MYOCD: variants seen among roughly 807,000 people sequenced by gnomAD.
MYOCD encodes myocardin.
A neutral mutation model predicts 96.1 loss-of-function variants in MYOCD; 32 were observed. The ratio of observed to expected loss-of-function variants is 0.33; its 90% CI spans 0.25 to 0.45. The LOEUF (loss-of-function observed/expected upper bound fraction) is 0.45. Among genes scored for constraint, MYOCD ranks in the 20% least tolerant of loss-of-function variants. The probability of loss-of-function intolerance (pLI) is 1.00; values close to 1 mark genes in which losing one functional copy is unlikely to be tolerated. For missense variants in MYOCD, 1,133 were observed against 1,200.6 expected (o/e 0.94, Z 0.83); for synonymous variants, 469 against 469.0 (o/e 1.00, Z 0.00).
At chr17:12,733,859 C>A (rs1488477369) in intron 5 of MYOCD, among the ~76,000 whole-genome samples, 1 of 138,690 alleles carries the variant, frequency 7.2e-6, no homozygotes, top group Non-Finnish European at 1.5e-5. Context: ...GAGCAAGACT[C>A]CGTCTCAAAA....
intron 1 of MYOCD, among the ~76,000 whole-genome samples, chr17:12,687,854 C>T (rs2030211208): frequency 6.6e-6 from 1 of 152,280 alleles, no homozygotes; most frequent in South Asian, 2.1e-4. Context: ...AAATCAATCA[C>T]ATTTGAATAA....
chr17:12,726,642 T>A (rs2032008194), intron 5 of MYOCD, among the ~76,000 whole-genome samples: 2 of 152,188 alleles, frequency 1.3e-5, no homozygotes, highest in Non-Finnish European at 2.9e-5. Flanking sequence ...AAGTAGCTAG[T>A]CCTGTCTGCC....
intron 10 of MYOCD, among the ~76,000 whole-genome samples, chr17:12,754,062 G>T (rs1438535302): frequency 1.7e-5 from 1 of 60,412 alleles, no homozygotes; most frequent in Non-Finnish European, 4.2e-5. Flanking sequence ...AAGCAAAGAG[G>T]TGTGTGTGTG....
chr17:12,762,991 G>A, intron 13 of MYOCD, 82 bp from the exon 14 acceptor site: 1 of 1,211,798 alleles, frequency 8.3e-7, no homozygotes, highest in South Asian at 1.4e-5. Context: ...GCCATCTTCT[G>A]TATCTAAGTG....
intron 3 of MYOCD, among the ~76,000 whole-genome samples, chr17:12,716,204 T>A (rs1051539075): frequency 6.6e-6 from 1 of 152,206 alleles, no homozygotes; most frequent in Non-Finnish European, 1.5e-5. Context: ...TTTCCTTACC[T>A]GAGAGTACTA....
At chr17:12,762,393 T>A (rs2033201391) in intron 13 of MYOCD, 1 of 152,290 alleles carries the variant, frequency 6.6e-6, no homozygotes. Context: ...GGACAGAGAA[T>A]AGAAAATATA....
Position 12,708,841 on chromosome 17 carries a change from AT to A in MYOCD, c.121+3649del, listed in dbSNP as rs1194223987. Among the ~76,000 whole-genome samples, 12 of 152,120 alleles carry A rather than the reference AT, an allele frequency of 7.9e-5. No individual in the cohort carries two copies. In the East Asian group the frequency reaches 2.3e-3, roughly 29 times the overall value. ...CTGAGGCCAGAACCTGTGTCTCCTGATCCCCGCCTAGGCTCCTTTTTTCAAA... is the reference window on the plus strand; with the variant it reads ...CTGAGGCCAGAACCTGTGTCTCCTGACCCCGCCTAGGCTCCTTTTTTCAAA... On this transcript the variant is annotated intron_variant, in intron 2 of 13. Coordinates refer to ENST00000425538, the MANE Select transcript of MYOCD (RefSeq NM_001146312.3).
intron 5 of MYOCD, among the ~76,000 whole-genome samples, chr17:12,735,103 C>T (rs2032303824): frequency 1.3e-5 from 2 of 152,222 alleles, no homozygotes; most frequent in African/African-American, 4.8e-5. Context: ...TTACTTCCAG[C>T]TCCTCGTTGC....
At chr17:12,666,755 A>AG (rs1330827036) in intron 1 of MYOCD, among the ~76,000 whole-genome samples, 2 of 152,196 alleles carry the variant, frequency 1.3e-5, no homozygotes, top group African/African-American at 4.8e-5. Flanking sequence ...ACATCACTGT[A>AG]GAAAAAAAAA....
Position 12,764,539 on chromosome 17 carries a change from C to T in MYOCD, c.*895C>T, listed in dbSNP as rs997416774. 3.9e-5 allele frequency: 6 copies of T among 152,298 alleles called. No individual in the cohort carries two copies. Among genetic ancestry groups the T allele is most frequent in the African/African-American group, 1.2e-4 (5 of 41,462 alleles). The allele number at this position is 152,298 out of a possible 1,614,324, so 9.4% of individuals were successfully genotyped here. ...TATCTCGAGGCACAGGAAGGGAGCC[C>T]CACCAGGGATAATTCAGACAGGACT... is the stretch of plus-strand genomic sequence containing the variant. On this transcript the variant is annotated 3_prime_UTR_variant, in exon 14 of 14. Coordinates refer to ENST00000425538, the MANE Select transcript of MYOCD (RefSeq NM_001146312.3).
At chr17:12,712,205 G>A (rs1245267066) in intron 2 of MYOCD, among the ~76,000 whole-genome samples, 1 of 152,110 alleles carries the variant, frequency 6.6e-6, no homozygotes, top group Non-Finnish European at 1.5e-5. Flanking sequence ...GAAGATGCTG[G>A]TCCGGAAGCT....
intron 1 of MYOCD, among the ~76,000 whole-genome samples, chr17:12,698,036 G>C (rs1359560078): frequency 5.9e-5 from 9 of 152,194 alleles, no homozygotes; most frequent in Admixed American, 5.9e-4. Context: ...GGGGCAGGCT[G>C]AACTGGAAAA....
chr17:12,722,252 G>T (rs2031860474), intron 4 of MYOCD, among the ~76,000 whole-genome samples: 1 of 152,156 alleles, frequency 6.6e-6, no homozygotes, highest in Non-Finnish European at 1.5e-5. Context: ...GTGGATTTAA[G>T]GCTCTGTACG....
At chr17:12,733,594 G>T (rs1256411786) in intron 5 of MYOCD, among the ~76,000 whole-genome samples, 1 of 152,120 alleles carries the variant, frequency 6.6e-6, no homozygotes, top group African/African-American at 2.4e-5. Flanking sequence ...AAGGCTGGGT[G>T]CAGTGGCTCA....
At chr17:12,741,657 C>T (rs890430185) in intron 7 of MYOCD, among the ~76,000 whole-genome samples, 8 of 151,370 alleles carry the variant, frequency 5.3e-5, no homozygotes, top group African/African-American at 1.7e-4. Context: ...GGCAGTGAGC[C>T]GAGATCGCAG....
At chr17:12,694,166 A>T (rs901933060) in intron 1 of MYOCD, among the ~76,000 whole-genome samples, 6 of 152,224 alleles carry the variant, frequency 3.9e-5, no homozygotes, top group Admixed American at 3.3e-4. Context: ...TGATGGGTTC[A>T]TGGAGGTTTG....
In MYOCD at chr17:12,733,362, C is replaced by T. The variant is rs1171661231; in HGVS notation, c.416-2799C>T. On this transcript the variant is annotated intron_variant, in intron 5 of 13. Transcript: ENST00000425538. ...AGATGTTGGTCATTTTCTGTGTTAC[C>T]CCTGCCCTACCTATCCCCCAATCAA... is the stretch of plus-strand genomic sequence containing the variant. Among the ~76,000 whole-genome samples, 3 of 151,242 alleles carry T rather than the reference C, an allele frequency of 2.0e-5. No homozygotes were observed. The East Asian group carries it at 5.9e-4, about 30-fold the overall frequency.
intron 4 of MYOCD, among the ~76,000 whole-genome samples, chr17:12,722,314 C>G (rs566827770): frequency 1.3e-5 from 2 of 152,208 alleles, no homozygotes; most frequent in South Asian, 4.1e-4. Context: ...ATGAATTCAA[C>G]TTTTAAAAAT....
chr17:12,742,622 G>A (rs1455601946), intron 7 of MYOCD, among the ~76,000 whole-genome samples: 3 of 151,780 alleles, frequency 2.0e-5, no homozygotes, highest in Non-Finnish European at 2.9e-5. Context: ...CCAGGCTGGA[G>A]TGTAGTGGCG....
Sources: allele counts gnomAD v4.1 joint callset (sites outside exome capture counted in the v4.1 genomes callset), GRCh38; gene constraint gnomAD v4.1.1; transcripts MANE v1.5; gene names NCBI Gene and HGNC (gene_info 2026-07-23, HGNC 2026-07-21).